The following PDGFD variants were observed in gnomAD, a reference collection of about 807,000 sequenced individuals.
PDGFD encodes the protein platelet derived growth factor D, also known as platelet-derived growth factor D.
PDGFD carries 30 observed loss-of-function variants against 44.7 expected under a neutral mutation model. The observed-to-expected ratio is 0.67, with a 90% confidence interval of 0.50 to 0.91. The LOEUF (loss-of-function observed/expected upper bound fraction) is 0.91. PDGFD is among the 40% of genes least tolerant of loss of function. The probability of loss-of-function intolerance (pLI) is 0.00; values close to 1 mark genes in which losing one functional copy is unlikely to be tolerated. For synonymous variants in PDGFD, 173 were observed against 168.4 expected, an observed-to-expected ratio of 1.03 and a Z score of -0.21; for missense variants, 445 against 457.8, an observed-to-expected ratio of 0.97 and a Z score of 0.25.
intron 3 of PDGFD, among the ~76,000 whole-genome samples, chr11:103,963,687 T>C (rs1858974247): frequency 6.6e-6 from 1 of 152,214 alleles, no homozygotes; most frequent in South Asian, 2.1e-4. Flanking sequence ...AATTACCATC[T>C]ATATATCTAA....
intron 3 of PDGFD, among the ~76,000 whole-genome samples, chr11:103,981,250 C>T (rs1392485252): frequency 6.6e-6 from 1 of 151,554 alleles, no homozygotes; most frequent in Non-Finnish European, 1.5e-5. Flanking sequence ...ATGCTCTATG[C>T]CATCTTGGGA....
At chr11:103,948,496 A>T (rs1414081847) in intron 3 of PDGFD, among the ~76,000 whole-genome samples, 1 of 152,214 alleles carries the variant, frequency 6.6e-6, no homozygotes, top group Non-Finnish European at 1.5e-5. Context: ...TAATTACTAC[A>T]GCACCAGGAA....
chr11:104,105,060 C>A (rs1415718290), intron 1 of PDGFD, among the ~76,000 whole-genome samples: 1 of 152,128 alleles, frequency 6.6e-6, no homozygotes, highest in African/African-American at 2.4e-5. Context: ...CTGTGTTAAG[C>A]ATTTTACAGA....
rs367891061 is a variant in PDGFD at position 104,060,795 on chromosome 11, A to G, written c.125-60540T>C. Among the ~76,000 whole-genome samples the G allele has an allele frequency of 3.9e-5, 6 of 152,362 alleles. No homozygotes were observed. In the East Asian group the frequency reaches 1.2e-3, roughly 29 times the overall value. ...ACCACATAACTCATTCATTTAAAGTACAATTCAAATGTTTTTGTATAGTTC... is the reference window on the plus strand; with the variant it reads ...ACCACATAACTCATTCATTTAAAGTGCAATTCAAATGTTTTTGTATAGTTC... On this transcript the variant is annotated intron_variant, in intron 1 of 6. Transcript: ENST00000393158.
chr11:103,989,543 A>C (rs1436257065), intron 3 of PDGFD, among the ~76,000 whole-genome samples: 1 of 152,204 alleles, frequency 6.6e-6, no homozygotes, highest in Non-Finnish European at 1.5e-5. Flanking sequence ...CATAATGAAA[A>C]CTTTAATAGA....
intron 6 of PDGFD, among the ~76,000 whole-genome samples, chr11:103,923,147 T>C (rs941363658): frequency 1.8e-4 from 28 of 152,272 alleles, no homozygotes; most frequent in Middle Eastern, 3.4e-3. Context: ...TTTGTTATAG[T>C]GGCCTCAGCC....
At chr11:103,970,131 A>C (rs958998115) in intron 3 of PDGFD, among the ~76,000 whole-genome samples, 1 of 152,090 alleles carries the variant, frequency 6.6e-6, no homozygotes, top group African/African-American at 2.4e-5. Flanking sequence ...GATTTAGTGG[A>C]GTATTTTAGA....
intron 1 of PDGFD, among the ~76,000 whole-genome samples, chr11:104,162,940 A>G (rs1680040122): frequency 6.6e-6 from 1 of 152,176 alleles, no homozygotes; most frequent in African/African-American, 2.4e-5. Flanking sequence ...TTTGCTGGGA[A>G]CATCAGCTAC....
At chr11:103,977,884 T>C (rs1859207006) in intron 3 of PDGFD, among the ~76,000 whole-genome samples, 1 of 152,016 alleles carries the variant, frequency 6.6e-6, no homozygotes, top group Non-Finnish European at 1.5e-5. Flanking sequence ...GATGAGGTTG[T>C]TGTCATACAA....
chr11:103,949,698 A>T lies in PDGFD; in HGVS notation c.511-1974T>A, dbSNP rs562271036. Reference sequence around the variant, plus strand: ...TAAAAACTATCCCTACCCTCAAGGAATTCGAAACGTAAACACACAAATAAA... The same window carrying T: ...TAAAAACTATCCCTACCCTCAAGGATTTCGAAACGTAAACACACAAATAAA... On this transcript the variant is annotated intron_variant, in intron 3 of 6. Transcript: ENST00000393158. 2.0e-5 allele frequency among the ~76,000 whole-genome samples: 3 copies of T among 152,350 alleles called. No homozygotes were observed. In the East Asian group the frequency reaches 5.8e-4, roughly 29 times the overall value.
chr11:104,112,119 T>TTAATTAAAGAAAATGTA (rs1221119423), intron 1 of PDGFD, among the ~76,000 whole-genome samples: 4 of 152,200 alleles, frequency 2.6e-5, no homozygotes, highest in Non-Finnish European at 5.9e-5. Flanking sequence ...CCTAATTCAA[T>TTAATTAAAGAAAATGTA]TAATTAAAGA....
At chr11:103,924,583 T>C (rs530406728) in intron 6 of PDGFD, among the ~76,000 whole-genome samples, 9 of 152,336 alleles carry the variant, frequency 5.9e-5, no homozygotes, top group East Asian at 5.8e-4. Flanking sequence ...AGTATGGTCA[T>C]GGTGGAACAA....
At chr11:104,138,431 G>A (rs771757774) in intron 1 of PDGFD, among the ~76,000 whole-genome samples, 1 of 152,178 alleles carries the variant, frequency 6.6e-6, no homozygotes, top group Non-Finnish European at 1.5e-5. Flanking sequence ...TTTTGAAAAT[G>A]TATGATTCTC....
intron 3 of PDGFD, among the ~76,000 whole-genome samples, chr11:103,981,742 G>A (rs1859276119): frequency 6.6e-6 from 1 of 151,736 alleles, no homozygotes; most frequent in African/African-American, 2.4e-5. Flanking sequence ...AAGCTCTTGA[G>A]GCCTTAGTTA....
At chr11:104,068,274 T>C (rs576898433) in intron 1 of PDGFD, among the ~76,000 whole-genome samples, 1 of 152,112 alleles carries the variant, frequency 6.6e-6, no homozygotes. Flanking sequence ...AAAGTTCTCA[T>C]AAAAAACCAC....
intron 1 of PDGFD, among the ~76,000 whole-genome samples, chr11:104,155,286 T>A (rs932897230): frequency 6.6e-6 from 1 of 152,232 alleles, no homozygotes; most frequent in Non-Finnish European, 1.5e-5. Context: ...CTTTCCTTTA[T>A]GGCTCAAGGT....
At chr11:104,077,205 G>A (rs777854891) in intron 1 of PDGFD, among the ~76,000 whole-genome samples, 5 of 152,106 alleles carry the variant, frequency 3.3e-5, no homozygotes, top group Non-Finnish European at 5.9e-5. Context: ...AAAAAGACAA[G>A]GGTAGATCTC....
At position 103,969,873 on chromosome 11, in the gene PDGFD, A is replaced by G. The variant is rs534597127; in HGVS notation, c.511-22149T>C. ...GGAGAATACTAAAATTTTTGTGAGA[A>G]AACAAAAGGTCATCTTAGAAGACAG... On this transcript the variant is annotated intron_variant, in intron 3 of 6. Transcript: ENST00000393158. Among the ~76,000 whole-genome samples, 3 of 152,176 alleles carry G rather than the reference A, an allele frequency of 2.0e-5. No homozygotes were observed. The South Asian group carries it at 6.2e-4, about 32-fold the overall frequency.
chr11:103,979,481 C>G (rs2134350373), intron 3 of PDGFD, among the ~76,000 whole-genome samples: 1 of 152,234 alleles, frequency 6.6e-6, no homozygotes, highest in African/African-American at 2.4e-5. Context: ...AGGCAACTAT[C>G]TGGCAGGGAG....
Sources: allele counts gnomAD v4.1 joint callset (sites outside exome capture counted in the v4.1 genomes callset), GRCh38; gene constraint gnomAD v4.1.1; transcripts MANE v1.5; gene names NCBI Gene and HGNC (gene_info 2026-07-23, HGNC 2026-07-21).